The following KCNG3 variants were observed in gnomAD, a reference collection of about 807,000 sequenced individuals.
KCNG3 encodes potassium voltage-gated channel modifier subfamily G member 3, also known as voltage-gated potassium channel regulatory subunit KCNG3.
KCNG3 carries 15 observed loss-of-function variants against 29.0 expected under a neutral mutation model. The ratio of observed to expected loss-of-function variants is 0.52; its 90% CI spans 0.35 to 0.80. The LOEUF (loss-of-function observed/expected upper bound fraction) is 0.80. Among genes scored for constraint, KCNG3 ranks in the 30% least tolerant of loss-of-function variants. The probability of loss-of-function intolerance (pLI) is 0.01; values close to 1 mark genes in which losing one functional copy is unlikely to be tolerated. For missense variants in KCNG3, 512 were observed against 605.7 expected (o/e 0.85, Z 1.62); for synonymous variants, 322 against 248.9 (o/e 1.29, Z -2.76).
downstream of KCNG3, among the ~76,000 whole-genome samples, chr2:42,441,763 C>T (rs1672489234): frequency 1.3e-5 from 2 of 150,252 alleles, no homozygotes; most frequent in Admixed American, 6.7e-5. Flanking sequence ...ATATATATAC[C>T]TATATGTATG....
the KCNG3 span, among the ~76,000 whole-genome samples, chr2:42,431,407 C>T: frequency 1.2e-4 from 18 of 151,978 alleles, no homozygotes; most frequent in African/African-American, 4.4e-4. Flanking sequence ...TTGATATACA[C>T]ATTTGCATTG....
chr2:42,492,702 GC>G, intron 1 of KCNG3, 134 bp downstream of exon 1: 1 of 630,066 alleles, frequency 1.6e-6, no homozygotes, highest in Non-Finnish European at 2.1e-6. Flanking sequence ...GTAGTTGGCC[GC>G]GCCTGGGCCT....
At chr2:42,391,601 T>G in the KCNG3 span, among the ~76,000 whole-genome samples, 10 of 126,454 alleles carry the variant, frequency 7.9e-5, no homozygotes, top group Admixed American at 6.8e-4. Flanking sequence ...ATCTCTTTTT[T>G]TTTTTTTTTT....
intron 1 of KCNG3, among the ~76,000 whole-genome samples, chr2:42,479,872 C>A (rs567275083): frequency 1.3e-5 from 2 of 151,996 alleles, no homozygotes; most frequent in Non-Finnish European, 2.9e-5. Context: ...ATTAGCCAGG[C>A]GTGTTGGTAC....
chr2:42,457,708 T>C (rs1448339479), intron 1 of KCNG3, among the ~76,000 whole-genome samples: 1 of 143,840 alleles, frequency 7.0e-6, no homozygotes, highest in Admixed American at 7.0e-5. Context: ...ATCCCAACAC[T>C]GGGAGGGCAA....
chr2:42,419,104 A>G, the KCNG3 span, among the ~76,000 whole-genome samples: 1 of 151,996 alleles, frequency 6.6e-6, no homozygotes, highest in East Asian at 1.9e-4. Flanking sequence ...TTTTAACTGA[A>G]AAATGCTACT....
chr2:42,474,860 T>C (rs1389561466), intron 1 of KCNG3, among the ~76,000 whole-genome samples: 2 of 152,182 alleles, frequency 1.3e-5, no homozygotes, highest in African/African-American at 4.8e-5. Flanking sequence ...TTCTGATGAA[T>C]CCTTTGAAAG....
the KCNG3 span, among the ~76,000 whole-genome samples, chr2:42,436,776 A>G: frequency 1.3e-5 from 2 of 152,238 alleles, no homozygotes; most frequent in Admixed American, 1.3e-4. Context: ...TTCTTGGTTG[A>G]CAAAATTCCT....
At chr2:42,459,927 G>A (rs969912998) in intron 1 of KCNG3, among the ~76,000 whole-genome samples, 1 of 150,468 alleles carries the variant, frequency 6.6e-6, no homozygotes, top group Non-Finnish European at 1.5e-5. Context: ...AGGGAGCCGA[G>A]ATTGCACCAC....
At chr2:42,418,218 A>G in the KCNG3 span, among the ~76,000 whole-genome samples, 2 of 152,084 alleles carry the variant, frequency 1.3e-5, no homozygotes, top group African/African-American at 2.4e-5. Flanking sequence ...GTCCTTTTAC[A>G]TGTCTTATTT....
chr2:42,405,451 T>A, the KCNG3 span, among the ~76,000 whole-genome samples: 3 of 152,068 alleles, frequency 2.0e-5, no homozygotes, highest in Non-Finnish European at 2.9e-5. Context: ...CATTTTTTTT[T>A]TTTTTGAGAC....
intron 1 of KCNG3, among the ~76,000 whole-genome samples, chr2:42,467,093 C>G (rs560300721): frequency 5.3e-5 from 8 of 151,952 alleles, no homozygotes; most frequent in Non-Finnish European, 1.0e-4. Context: ...TATATTAAAC[C>G]ACTCCATGAA....
At chr2:42,473,641 T>C (rs979904195) in intron 1 of KCNG3, among the ~76,000 whole-genome samples, 3 of 151,870 alleles carry the variant, frequency 2.0e-5, no homozygotes, top group African/African-American at 7.3e-5. Context: ...TAAGCCACCA[T>C]AGCTGGCTGT....
intron 1 of KCNG3, among the ~76,000 whole-genome samples, chr2:42,452,724 T>C (rs916819295): frequency 5.3e-5 from 8 of 152,222 alleles, no homozygotes; most frequent in Admixed American, 2.0e-4. Context: ...GGCTGAATAG[T>C]ACTCCATTGT....
chr2:42,439,749 T>C (rs1383237386), downstream of KCNG3, among the ~76,000 whole-genome samples: 1 of 151,534 alleles, frequency 6.6e-6, no homozygotes, highest in African/African-American at 2.4e-5. Flanking sequence ...CTGGTTCAAG[T>C]GATTCTCCTG....
chr2:42,416,597 G>A, the KCNG3 span, among the ~76,000 whole-genome samples: 1 of 152,018 alleles, frequency 6.6e-6, no homozygotes, highest in Non-Finnish European at 1.5e-5. Context: ...GGGAGGCCGA[G>A]GCAGGTGGAT....
chr2:42,429,813 C>T, the KCNG3 span, among the ~76,000 whole-genome samples: 1 of 152,022 alleles, frequency 6.6e-6, no homozygotes, highest in Non-Finnish European at 1.5e-5. Flanking sequence ...CAGTGGACCT[C>T]GAGTAGAGAA....
chr2:42,397,235 A>C, the KCNG3 span, among the ~76,000 whole-genome samples: 1 of 150,772 alleles, frequency 6.6e-6, no homozygotes, highest in East Asian at 2.0e-4. Context: ...CAGGAGCAAA[A>C]CTCCATCTCA....
intron 1 of KCNG3, among the ~76,000 whole-genome samples, chr2:42,478,650 G>A (rs1673502091): frequency 6.6e-6 from 1 of 152,038 alleles, no homozygotes; most frequent in African/African-American, 2.4e-5. Flanking sequence ...AGCCCTTCTG[G>A]GACACCCCAG....
Sources: allele counts gnomAD v4.1 joint callset (sites outside exome capture counted in the v4.1 genomes callset), GRCh38; gene constraint gnomAD v4.1.1; transcripts MANE v1.5; gene names NCBI Gene and HGNC (gene_info 2026-07-23, HGNC 2026-07-21).